PODNL1: variants seen among roughly 807,000 people sequenced by gnomAD.
PODNL1 encodes the protein podocan-like protein 1.
PODNL1 carries 50 observed loss-of-function variants against 45.1 expected under a neutral mutation model. The ratio of observed to expected loss-of-function variants is 1.11; its 90% CI spans 0.88 to 1.40. The LOEUF is 1.40. Ranked by LOEUF, PODNL1 falls within the 40% of genes most tolerant of loss-of-function variation. The probability of loss-of-function intolerance (pLI) is 0.00; values close to 1 mark genes in which losing one functional copy is unlikely to be tolerated. For missense variants in PODNL1, 788 were observed against 793.3 expected (o/e 0.99, Z 0.08); for synonymous variants, 406 against 372.5 (o/e 1.09, Z -1.04).
chr19:13,951,994 T>C (rs1432857591), intron 1 of PODNL1, among the ~76,000 whole-genome samples: 1 of 152,218 alleles, frequency 6.6e-6, no homozygotes, highest in Non-Finnish European at 1.5e-5. Context: ...AAACAAGCTT[T>C]CATCGAATCC....
chr19:13,952,209 GGCGTGACGCC>G (rs1441468832), intron 1 of PODNL1, among the ~76,000 whole-genome samples: 2 of 152,378 alleles, frequency 1.3e-5, no homozygotes, highest in Admixed American at 6.5e-5. Flanking sequence ...AGCCACAGGG[GGCGTGACGCC>G]GTTGAGACAG....
intron 5 of PODNL1, among the ~76,000 whole-genome samples, chr19:13,935,366 G>A (rs1392918029): frequency 2.0e-5 from 3 of 152,022 alleles, no homozygotes; most frequent in East Asian, 3.8e-4. Context: ...TCACTCTGTC[G>A]CCCAGGCTTG....
At chr19:13,938,046 G>A (rs562796587) in intron 1 of PODNL1, 40 bp from the exon 2 acceptor site, 122 of 1,455,526 alleles carry the variant, frequency 8.4e-5, no homozygotes, top group Non-Finnish European at 1.1e-4. Flanking sequence ...CAGGCTGGGC[G>A]CAGGGTCGCC....
intron 3 of PODNL1, 49 bp downstream of exon 3, chr19:13,936,318 T>G: frequency 6.6e-7 from 1 of 1,526,702 alleles, no homozygotes. Flanking sequence ...AGCTGAGACC[T>G]CGGTCAGTCC....
chr19:13,934,956 ATGTGTGTGCT>A (rs1279775567), intron 5 of PODNL1, among the ~76,000 whole-genome samples: 1 of 150,310 alleles, frequency 6.7e-6, no homozygotes, highest in African/African-American at 2.5e-5. Flanking sequence ...ACATATGTGC[ATGTGTGTGCT>A]TGTGTGTGCA....
chr19:13,940,608 C>T (rs1422138653), upstream of PODNL1, among the ~76,000 whole-genome samples: 4 of 143,546 alleles, frequency 2.8e-5, no homozygotes, highest in Admixed American at 1.4e-4. Flanking sequence ...GGGGGCCAGG[C>T]GCGGTAGCTC....
rs1029869747 is a variant in PODNL1, at chr19:13,938,306, C to T, written c.-125G>A. 1.4e-5 allele frequency: 21 copies of T among 1,452,020 alleles called. No homozygotes were observed. The highest frequency in any genetic ancestry group is 1.7e-5 in the Non-Finnish European group (19 of 1,097,056). 89.9% of individuals were successfully genotyped at this position (1,452,020 alleles called of 1,614,324 possible). On this transcript the variant is annotated 5_prime_UTR_variant, in exon 1 of 10. It adds an upstream start codon to the 5' untranslated region. Coordinates refer to ENST00000588872, the MANE Select transcript of PODNL1 (RefSeq NM_001370095.3). ...GCCCCCCATCTCCAGACCCATGCCACCCCCCACAACAGCCTGTTCTCCCGG... is the reference window on the plus strand; with the variant it reads ...GCCCCCCATCTCCAGACCCATGCCATCCCCCACAACAGCCTGTTCTCCCGG...
intron 5 of PODNL1, 127 bp downstream of exon 5, chr19:13,935,594 T>A (rs1378878968): frequency 1.5e-6 from 1 of 660,002 alleles, no homozygotes; most frequent in African/African-American, 1.9e-5. Flanking sequence ...CCCAAAGTGC[T>A]AGGATTACAG....
At chr19:13,949,987 A>G (rs1159890395) in intron 1 of PODNL1, among the ~76,000 whole-genome samples, 2 of 151,756 alleles carry the variant, frequency 1.3e-5, no homozygotes, top group African/African-American at 4.9e-5. Flanking sequence ...CAGCCTCCCG[A>G]GAAGCTGGAC....
At chr19:13,942,627 T>C (rs116263737), upstream of PODNL1, among the ~76,000 whole-genome samples, 1,263 of 152,282 alleles carry the variant, frequency 8.3e-3, 16 homozygotes, top group African/African-American at 0.029. Context: ...TCCATCAATG[T>C]GGCCCCAGTG....
chr19:13,945,897 A>C (rs4926320), intron 1 of PODNL1, among the ~76,000 whole-genome samples: 9 of 150,060 alleles, frequency 6.0e-5, no homozygotes, highest in Admixed American at 4.0e-4. Context: ...AAAAAAAAAA[A>C]AACAAACTTT....
rs538930181 is a variant in PODNL1 at position 13,933,055 on chromosome 19, C to T, written c.1168G>A (p.Ala390Thr). The change falls in exon 8 of 10, where the codon GCC (alanine) becomes ACC (threonine). Residue 390 changes from alanine (A) to threonine (T), a missense_variant. By Grantham distance (58) the Ala-to-Thr change is moderately conservative (BLOSUM62 0). Coordinates refer to ENST00000588872, the MANE Select transcript of PODNL1 (RefSeq NM_001370095.3). The surrounding 1 kb of genome is among the most constrained non-coding windows in gnomAD (Gnocchi z 5.2). ...CGGAAGGCCCGGTGGTGCACACGGGCGCTGGCCAGGCGGTTATAGGCCAGG... is the reference window on the plus strand; with the variant it reads ...CGGAAGGCCCGGTGGTGCACACGGGTGCTGGCCAGGCGGTTATAGGCCAGG... ...LNLAYNRLAS[A>T]RVHHRAFRRL... is the part of the protein sequence containing the mutation. 1.2e-5 allele frequency: 18 copies of T among 1,536,224 alleles called. No individual in the cohort carries two copies. Among genetic ancestry groups the T allele is most frequent in the African/African-American group, 2.7e-5 (2 of 73,380 alleles).
chr19:13,938,068 A>G, intron 1 of PODNL1, 62 bp from the exon 2 acceptor site: 1 of 1,449,858 alleles, frequency 6.9e-7, no homozygotes, highest in Non-Finnish European at 9.3e-7. Context: ...TGGTGACTGG[A>G]GCATCCCCTC....
At chr19:13,939,115 A>G (rs1972561307), upstream of PODNL1, among the ~76,000 whole-genome samples, 3 of 152,210 alleles carry the variant, frequency 2.0e-5, no homozygotes. Context: ...CCCAGACCTC[A>G]GCTTTCCCAC....
At position 13,934,890 on chromosome 19, in the gene PODNL1, T is replaced by C. The variant is rs1972235624; in HGVS notation, c.495-480A>G. Among the ~76,000 whole-genome samples the C allele has an allele frequency of 2.0e-5, 3 of 152,014 alleles. No individual in the cohort carries two copies. The South Asian group carries it at 6.2e-4, about 32-fold the overall frequency. On this transcript the variant is annotated intron_variant, in intron 5 of 9. Transcript: ENST00000588872. ...GTGCAGCCGAGTGTGCAACTGTGTG[T>C]ATGCATGTATGTCCATGTGTGCATG...
At position 13,932,057 on chromosome 19, in the gene PODNL1, G is replaced by A; in HGVS notation, c.1481C>T (p.Ala494Val). 2 of 1,232,528 alleles carry A rather than the reference G, an allele frequency of 1.6e-6. No homozygotes were observed. Among genetic ancestry groups the A allele is most frequent in the East Asian group, 3.2e-5 (1 of 31,714 alleles). The allele number at this position is 1,232,528 out of a possible 1,614,324, so 76.3% of individuals were successfully genotyped here. A position where few individuals can be genotyped will look rare whatever the true frequency, so the allele number is the denominator to read the frequency against. The change falls in exon 9 of 10, where the codon GCC becomes GTC. Residue 494 changes from alanine to valine, a missense_variant. Around this residue, in one of 3 missense-constraint regions of PODNL1, gnomAD observed 762 missense variants for 750.9 expected, o/e 1.01. Coordinates refer to ENST00000588872, the MANE Select transcript of PODNL1 (RefSeq NM_001370095.3). ...GCCCTCGAGGTGCAGCTCCTCTAGGGCCTCAGGCAGGTCCGGGGGCACAAA... is the reference window on the plus strand; with the variant it reads ...GCCCTCGAGGTGCAGCTCCTCTAGGACCTCAGGCAGGTCCGGGGGCACAAA... ...LSFVPPDLPE[A>V]LEELHLEGNR...
chr19:13,938,732 G>C (rs747597994), upstream of PODNL1, among the ~76,000 whole-genome samples: 38 of 152,050 alleles, frequency 2.5e-4, no homozygotes, highest in Admixed American at 1.3e-4. Flanking sequence ...CTGCTGGCTG[G>C]TCTTGCTCCA....
At chr19:13,940,085 C>CT (rs1272130182), upstream of PODNL1, 3 of 151,964 alleles carry the variant, frequency 2.0e-5, no homozygotes, top group Non-Finnish European at 4.4e-5. Flanking sequence ...AACCCCCCCC[C>CT]TCAAAGAGCT....
At chr19:13,932,690 C>A (rs757201766) in intron 8 of PODNL1, 108 bp downstream of exon 8, 2 of 1,596,818 alleles carry the variant, frequency 1.3e-6, no homozygotes, top group Admixed American at 3.4e-5. Context: ...TTATCATTTT[C>A]TTGTTCTGAT....
Sources: gnomAD v4.1 joint callset for allele counts (sites outside exome capture counted in the v4.1 genomes callset) on GRCh38, gnomAD v4.1.1 for gene constraint, gnomAD v4.1.1 regional missense constraint, Gnocchi (gnomAD v3.1) non-coding constraint, MANE v1.5 for transcripts, NCBI Gene and HGNC (gene_info 2026-07-23, HGNC 2026-07-21) for gene names.